Variants in LINGO2 observed in about 807,000 individuals in gnomAD.
LINGO2 encodes leucine rich repeat and Ig domain containing 2.
In LINGO2, 14 loss-of-function variants were observed where a neutral mutation model predicts 30.6. The ratio of observed to expected loss-of-function variants is 0.46; its 90% confidence interval spans 0.30 to 0.72. LINGO2 has a LOEUF of 0.72. LINGO2 is among the 30% of genes least tolerant of loss of function. The pLI is 0.07. For synonymous variants in LINGO2, 317 were observed against 288.5 expected, an observed-to-expected ratio of 1.10 and a Z score of -1.00; for missense variants, 729 against 751.7, an observed-to-expected ratio of 0.97 and a Z score of 0.35.
intron 1 of LINGO2, among the ~76,000 whole-genome samples, chr9:28,607,832 T>C (rs1450696690): frequency 1.3e-5 from 2 of 152,142 alleles, no homozygotes; most frequent in African/African-American, 2.4e-5. Flanking sequence ...CCAACTTATG[T>C]ATCAAGTAAC....
At chr9:28,481,311 A>G (rs1052166840) in intron 1 of LINGO2, among the ~76,000 whole-genome samples, 9 of 152,188 alleles carry the variant, frequency 5.9e-5, no homozygotes, top group Non-Finnish European at 1.2e-4. Flanking sequence ...TGGAGATGTT[A>G]TGGCTACTCT....
Position 28,130,273 on chromosome 9 carries a change from C to A in LINGO2, c.-86-117868G>T, listed in dbSNP as rs1827346690. Among the ~76,000 whole-genome samples the A allele has an allele frequency of 1.3e-5, 2 of 152,158 alleles. No individual in the cohort carries two copies. The highest frequency in any genetic ancestry group is 4.8e-5 in the African/African-American group (2 of 41,434). On this transcript the variant is annotated intron_variant, in intron 4 of 5. Coordinates refer to ENST00000379992, the Ensembl canonical transcript of LINGO2. The surrounding 1 kb of genome is among the most constrained non-coding windows in gnomAD (Gnocchi z 5.2). The stretch of plus-strand genomic sequence containing the variant: ...ATTTTCTGATTCAATTGTATTTGTT[C>A]TGCTATGACTGTATTAGTTTTGGAT...
the LINGO2 span, among the ~76,000 whole-genome samples, chr9:29,014,813 T>C: frequency 2.0e-5 from 3 of 152,182 alleles, no homozygotes; most frequent in South Asian, 4.1e-4. Context: ...GGGTGAATAG[T>C]ATGAATGTAA....
intron 4 of LINGO2, among the ~76,000 whole-genome samples, chr9:28,202,272 G>A (rs1035749770): frequency 3.9e-5 from 6 of 152,002 alleles, no homozygotes; most frequent in African/African-American, 1.5e-4. Context: ...TTTCCAGGGG[G>A]TCACAATTCA....
At chr9:28,514,706 A>G (rs1219454652) in intron 1 of LINGO2, among the ~76,000 whole-genome samples, 1 of 152,228 alleles carries the variant, frequency 6.6e-6, no homozygotes, top group African/African-American at 2.4e-5. Flanking sequence ...GCAAGCGGAA[A>G]CATCAAGTAC....
intron 1 of LINGO2, among the ~76,000 whole-genome samples, chr9:28,629,049 T>A (rs761991675): frequency 1.3e-5 from 2 of 152,136 alleles, no homozygotes; most frequent in Admixed American, 6.6e-5. Flanking sequence ...ATTACATTAA[T>A]GTTTTATGTG....
rs4007452 is a variant in LINGO2, at chr9:28,147,175, T to C, written c.-86-134770A>G. ...TCATGTGCTTATTACAGATATGCCA[T>C]GGTGCTAAGTACCCCAGGACTACAG... is the stretch of plus-strand genomic sequence containing the variant. On this transcript the variant is annotated intron_variant, in intron 4 of 5. Coordinates refer to ENST00000379992, the Ensembl canonical transcript of LINGO2. The surrounding 1 kb of genome is among the most constrained non-coding windows in gnomAD (Gnocchi z 4.7). 1.3e-5 allele frequency among the ~76,000 whole-genome samples: 2 copies of C among 152,220 alleles called. No homozygotes were observed. The highest frequency in any genetic ancestry group is 2.4e-5 in the African/African-American group (1 of 41,460).
chr9:29,130,973 C>A, the LINGO2 span, among the ~76,000 whole-genome samples: 1 of 152,092 alleles, frequency 6.6e-6, no homozygotes, highest in Non-Finnish European at 1.5e-5. Context: ...TGTGGAAGAC[C>A]TTAAGCAGCT....
Position 28,433,966 on chromosome 9 carries a change from T to TATATATATATATACAC in LINGO2, c.-279+41973_-279+41974insGTGTATATATATATAT, listed in dbSNP as rs752778212. ...CTCTCTCTCTATATATATATATATATACACACACACACATGAAAATACTAC... is the reference window on the plus strand; with the variant it reads ...CTCTCTCTCTATATATATATATATATATATATATATATACACACACACACACACATGAAAATACTAC... On this transcript the variant is annotated intron_variant, in intron 2 of 5. Transcript: ENST00000379992. Among the ~76,000 whole-genome samples the TATATATATATATACAC allele has an allele frequency of 1.9e-3, 187 of 99,884 alleles. 3 individuals carry two copies. Among genetic ancestry groups the TATATATATATATACAC allele is most frequent in the Non-Finnish European group, 3.3e-3 (141 of 42,162 alleles). 65.5% of individuals were successfully genotyped at this position (99,884 alleles called of 152,430 possible). A position where few individuals can be genotyped will look rare whatever the true frequency, so the allele number is the denominator to read the frequency against.
chr9:28,705,298 G>A, the LINGO2 span, among the ~76,000 whole-genome samples: 1 of 152,026 alleles, frequency 6.6e-6, no homozygotes, highest in Non-Finnish European at 1.5e-5. Context: ...GCATGTGGTG[G>A]TAAGATGTTA....
At chr9:28,279,223 A>G (rs796134535) in intron 4 of LINGO2, among the ~76,000 whole-genome samples, 4 of 152,308 alleles carry the variant, frequency 2.6e-5, no homozygotes, top group African/African-American at 9.6e-5. Context: ...CATGCTGTGA[A>G]CATTGGTGAA....
chr9:29,136,936 G>T, the LINGO2 span, among the ~76,000 whole-genome samples: 1 of 152,054 alleles, frequency 6.6e-6, no homozygotes, highest in Non-Finnish European at 1.5e-5. Context: ...ATAAATGAAT[G>T]ATATAGTTAT....
chr9:29,193,710 T>G, the LINGO2 span, among the ~76,000 whole-genome samples: 2 of 152,180 alleles, frequency 1.3e-5, no homozygotes, highest in Non-Finnish European at 2.9e-5. Flanking sequence ...AGTCTTCCCC[T>G]GTCACTCACT....
At chr9:29,126,834 A>C in the LINGO2 span, among the ~76,000 whole-genome samples, 1 of 152,116 alleles carries the variant, frequency 6.6e-6, no homozygotes, top group Non-Finnish European at 1.5e-5. Flanking sequence ...CTGACTTCCT[A>C]GAACTGAATC....
At chr9:28,168,746 ATTGTATTAGGGTCC>A (rs1421843395) in intron 4 of LINGO2, among the ~76,000 whole-genome samples, 4 of 152,264 alleles carry the variant, frequency 2.6e-5, no homozygotes, top group Non-Finnish European at 4.4e-5. Context: ...TGGAACCTAA[ATTGTATTAGGGTCC>A]TTGTAACACG....
intron 3 of LINGO2, among the ~76,000 whole-genome samples, chr9:28,365,162 TCAGTGTGCTG>T (rs1820611393): frequency 6.6e-6 from 1 of 152,106 alleles, no homozygotes; most frequent in Admixed American, 6.6e-5. Context: ...GTTAGTCTAG[TCAGTGTGCTG>T]CAGAGAGGGG....
chr9:28,909,972 C>T, the LINGO2 span, among the ~76,000 whole-genome samples: 1 of 151,832 alleles, frequency 6.6e-6, no homozygotes, highest in Non-Finnish European at 1.5e-5. Context: ...TAATATAAAC[C>T]AGAATAAACC....
intron 4 of LINGO2, among the ~76,000 whole-genome samples, chr9:28,268,541 T>C (rs756742077): frequency 1.3e-5 from 2 of 152,128 alleles, no homozygotes; most frequent in Non-Finnish European, 2.9e-5. Flanking sequence ...TTCTTGACCC[T>C]GTCAATGAGT....
intron 1 of LINGO2, among the ~76,000 whole-genome samples, chr9:28,649,698 G>A (rs959924379): frequency 3.9e-5 from 6 of 151,908 alleles, no homozygotes; most frequent in Non-Finnish European, 8.8e-5. Flanking sequence ...GATGTTGTGG[G>A]AAAAAAATTG....
Sources: allele counts gnomAD v4.1 joint callset (sites outside exome capture counted in the v4.1 genomes callset), GRCh38; gene constraint gnomAD v4.1.1; non-coding constraint Gnocchi (gnomAD v3.1); transcripts MANE v1.5; gene names NCBI Gene and HGNC (gene_info 2026-07-23, HGNC 2026-07-21).